MACROD2: variants seen among roughly 807,000 people sequenced by gnomAD.
MACROD2 encodes the protein ADP-ribose glycohydrolase MACROD2.
Under a neutral mutation model 70.4 loss-of-function variants are expected in MACROD2, and 36 were observed. That is an observed-to-expected ratio of 0.51 (90% confidence interval 0.39 to 0.68). MACROD2 has a LOEUF of 0.68. MACROD2 is among the 30% of genes least tolerant of loss of function. The pLI is 0.00. For synonymous variants in MACROD2, 172 were observed against 178.8 expected (o/e 0.96, Z 0.30); for missense variants, 496 against 538.4 (o/e 0.92, Z 0.78).
At chr20:14,724,282 CT>C (rs1340819027) in intron 5 of MACROD2, among the ~76,000 whole-genome samples, 1 of 152,002 alleles carries the variant, frequency 6.6e-6, no homozygotes, top group African/African-American at 2.4e-5. Flanking sequence ...ATCTCTGCCT[CT>C]ATTTGACTGA....
chr20:14,445,636 T>A (rs2084174438), intron 3 of MACROD2, among the ~76,000 whole-genome samples: 1 of 152,064 alleles, frequency 6.6e-6, no homozygotes, highest in South Asian at 2.1e-4. Flanking sequence ...AAAAGTTTAA[T>A]CCATGGCTTG....
intron 4 of MACROD2, among the ~76,000 whole-genome samples, chr20:14,594,738 A>G (rs1298724578): frequency 6.6e-6 from 1 of 152,156 alleles, no homozygotes; most frequent in Non-Finnish European, 1.5e-5. Flanking sequence ...TTAAAAATAC[A>G]AAAATTAGCC....
intron 4 of MACROD2, among the ~76,000 whole-genome samples, chr20:14,544,229 TTC>T (rs1394212141): frequency 1.5e-5 from 2 of 133,180 alleles, no homozygotes; most frequent in Non-Finnish European, 3.3e-5. Context: ...AAATGATTCC[TTC>T]TTTTTTTTTT....
At chr20:15,804,755 G>A (rs999580647) in intron 8 of MACROD2, among the ~76,000 whole-genome samples, 2 of 152,172 alleles carry the variant, frequency 1.3e-5, no homozygotes, top group Non-Finnish European at 2.9e-5. Context: ...CAGTCTGCTG[G>A]CTTCCAACTG....
At chr20:14,208,265 T>C (rs1300245892) in intron 3 of MACROD2, among the ~76,000 whole-genome samples, 1 of 151,874 alleles carries the variant, frequency 6.6e-6, no homozygotes, top group Non-Finnish European at 1.5e-5. Context: ...TTGTGGGGAG[T>C]GATTATATTG....
At chr20:15,383,290 A>C (rs1006245014) in intron 6 of MACROD2, among the ~76,000 whole-genome samples, 5 of 152,242 alleles carry the variant, frequency 3.3e-5, no homozygotes, top group African/African-American at 1.2e-4. Flanking sequence ...AATCCCTATC[A>C]GAGTTTGCCA....
chr20:14,416,148 G>A (rs111654448), intron 3 of MACROD2, among the ~76,000 whole-genome samples: 236 of 152,078 alleles, frequency 1.6e-3, no homozygotes, highest in African/African-American at 5.4e-3. Context: ...TAGTAGAGAT[G>A]GGGCTTCACC....
At chr20:15,401,608 G>A (rs1202184684) in intron 6 of MACROD2, among the ~76,000 whole-genome samples, 1 of 152,186 alleles carries the variant, frequency 6.6e-6, no homozygotes, top group Non-Finnish European at 1.5e-5. Context: ...AAATTGGGAT[G>A]TTAATGGTAT....
chr20:14,538,675 A>G (rs188268231), intron 4 of MACROD2, among the ~76,000 whole-genome samples: 14 of 152,200 alleles, frequency 9.2e-5, no homozygotes, highest in Admixed American at 4.6e-4. Context: ...GGACATGACT[A>G]TGTCCCACTC....
chr20:15,947,527 T>C (rs994004248), intron 12 of MACROD2, among the ~76,000 whole-genome samples: 4 of 152,132 alleles, frequency 2.6e-5, no homozygotes, highest in African/African-American at 9.7e-5. Context: ...GAGCTCAAGG[T>C]TGGGGCAAAG....
At chr20:15,576,414 A>C (rs546730298) in intron 8 of MACROD2, among the ~76,000 whole-genome samples, 72 of 152,278 alleles carry the variant, frequency 4.7e-4, no homozygotes, top group African/African-American at 1.6e-3. Context: ...CTATCTCTGC[A>C]TCTCCATCAT....
In MACROD2 at chr20:15,338,304, T is replaced by C. The variant is rs80201023; in HGVS notation, c.541-93101T>C. 4.7e-3 allele frequency among the ~76,000 whole-genome samples: 706 copies of C among 151,790 alleles called. 5 individuals carry two copies. Among genetic ancestry groups the C allele is most frequent in the Non-Finnish European group, 7.6e-3 (515 of 68,014 alleles). On this transcript the variant is annotated intron_variant, in intron 6 of 17. Transcript: ENST00000684519. ...ATCTCCTCATCCAGCTTTTCACCCA[T>C]GTTTTTCTTCATATGCTGATGAATT...
chr20:15,464,679 C>T (rs1016287763), intron 7 of MACROD2, among the ~76,000 whole-genome samples: 1 of 152,196 alleles, frequency 6.6e-6, no homozygotes, highest in Non-Finnish European at 1.5e-5. Flanking sequence ...TCATCTGACC[C>T]TTATGTACCT....
chr20:15,850,989 TCA>T (rs1351556898), intron 8 of MACROD2, among the ~76,000 whole-genome samples: 2 of 151,970 alleles, frequency 1.3e-5, no homozygotes, highest in African/African-American at 4.8e-5. Flanking sequence ...TGGACAGAGC[TCA>T]GGTGGCCGGC....
intron 8 of MACROD2, among the ~76,000 whole-genome samples, chr20:15,642,072 T>G (rs1314890749): frequency 1.3e-5 from 2 of 152,224 alleles, no homozygotes; most frequent in Non-Finnish European, 2.9e-5. Flanking sequence ...TTTTCTTTCC[T>G]GTCTACTCAG....
chr20:14,382,070 T>C (rs986539812), intron 3 of MACROD2, among the ~76,000 whole-genome samples: 1 of 150,646 alleles, frequency 6.6e-6, no homozygotes, highest in East Asian at 2.0e-4. Flanking sequence ...ATTTTTTTTT[T>C]TTTTTTTTTG....
At chr20:15,995,916 G>A (rs1407941231) in intron 15 of MACROD2, among the ~76,000 whole-genome samples, 48 of 151,548 alleles carry the variant, frequency 3.2e-4, no homozygotes, top group Admixed American at 3.2e-3. Flanking sequence ...ATGCATCTAT[G>A]GGCACTTAGG....
At chr20:14,135,497 G>A (rs2054782920) in intron 3 of MACROD2, among the ~76,000 whole-genome samples, 1 of 151,860 alleles carries the variant, frequency 6.6e-6, no homozygotes, top group African/African-American at 2.4e-5. Flanking sequence ...GGGAGACTCT[G>A]TCTCTACAAT....
intron 5 of MACROD2, among the ~76,000 whole-genome samples, chr20:14,993,879 A>C (rs1261143778): frequency 6.6e-6 from 1 of 152,218 alleles, no homozygotes; most frequent in Non-Finnish European, 1.5e-5. Flanking sequence ...TGCCTTATTT[A>C]GGAATCCAGC....
Sources: allele counts gnomAD v4.1 joint callset (sites outside exome capture counted in the v4.1 genomes callset), GRCh38; gene constraint gnomAD v4.1.1; transcripts MANE v1.5; gene names NCBI Gene and HGNC (gene_info 2026-07-23, HGNC 2026-07-21).